The following SYNE1 variants were observed in gnomAD, a reference collection of about 807,000 sequenced individuals.
The protein encoded by SYNE1 is nesprin-1.
A neutral mutation model predicts 1,111.0 loss-of-function variants in SYNE1; 616 were observed. The observed-to-expected ratio is 0.55, with a 90% CI of 0.52 to 0.59. The LOEUF (loss-of-function observed/expected upper bound fraction) is 0.59. Among genes scored for constraint, SYNE1 ranks in the 20% least tolerant of loss-of-function variants. The pLI is 0.00. For synonymous variants in SYNE1, 3,855 were observed against 3,825.8 expected (o/e 1.01, Z -0.28); for missense variants, 10,006 against 10,417.0 (o/e 0.96, Z 1.72).
chr6:152,253,818 G>C (rs2763036), intron 104 of SYNE1, among the ~76,000 whole-genome samples: 2 of 74,808 alleles, frequency 2.7e-5, no homozygotes, highest in African/African-American at 1.2e-4. Flanking sequence ...TAGTGGTTTG[G>C]TTTTTTTTTT....
At chr6:152,157,669 A>G (rs915429305) in intron 131 of SYNE1, among the ~76,000 whole-genome samples, 5 of 152,114 alleles carry the variant, frequency 3.3e-5, no homozygotes, top group African/African-American at 1.2e-4. Context: ...ACAAAATATC[A>G]TATGTGCCCC....
chr6:152,469,398 G>A (rs9371600), intron 16 of SYNE1, among the ~76,000 whole-genome samples: 36,291 of 151,706 alleles, frequency 0.24, 4,836 homozygotes, highest in East Asian at 0.43. Flanking sequence ...GTTATTCACA[G>A]ACACATGGGT....
rs2099078379 is a variant in SYNE1, at chr6:152,510,261, C to T, written c.513G>A (p.Lys171=). The T allele has an allele frequency of 6.2e-7, 1 of 1,614,022 alleles. No individual in the cohort carries two copies. The highest frequency in any genetic ancestry group is 8.5e-7 in the Non-Finnish European group (1 of 1,179,986). Residue 171 remains lysine, a synonymous_variant, in exon 8 of 146, where the codon AAG becomes AAA. Coordinates refer to ENST00000367255, the MANE Select transcript of SYNE1 (RefSeq NM_182961.4). The part of the protein sequence containing the change: ...SETPSPPSKR[K]VTTKIQGNAK... The stretch of plus-strand genomic sequence containing the variant: ...CATTTCCTTGGATCTTGGTGGTCAC[C>T]TTCCGTTTACTTGGTGGGCTGGGAG...
intron 66 of SYNE1, among the ~76,000 whole-genome samples, chr6:152,356,625 C>T (rs2096844125): frequency 6.6e-6 from 1 of 151,724 alleles, no homozygotes; most frequent in Non-Finnish European, 1.5e-5. Context: ...TGAATATGTT[C>T]CACATTACTG....
At chr6:152,377,829 C>T (rs1460001737) in intron 56 of SYNE1, among the ~76,000 whole-genome samples, 1 of 151,316 alleles carries the variant, frequency 6.6e-6, no homozygotes, top group Non-Finnish European at 1.5e-5. Context: ...TAAATGTTTA[C>T]CGTGTGCCAA....
chr6:152,583,719 C>A (rs2099527959), intron 3 of SYNE1, among the ~76,000 whole-genome samples: 1 of 152,178 alleles, frequency 6.6e-6, no homozygotes, highest in African/African-American at 2.4e-5. Flanking sequence ...ATCAATGGTT[C>A]ATTTCTGCTG....
chr6:152,490,932 A>G (rs1317308091), intron 11 of SYNE1, among the ~76,000 whole-genome samples: 1 of 152,078 alleles, frequency 6.6e-6, no homozygotes, highest in Non-Finnish European at 1.5e-5. Flanking sequence ...CTACCTTTCA[A>G]TCTCCCTGTC....
intron 32 of SYNE1, among the ~76,000 whole-genome samples, chr6:152,439,364 C>T (rs575513953): frequency 2.0e-5 from 3 of 152,204 alleles, no homozygotes; most frequent in South Asian, 2.1e-4. Flanking sequence ...TTATAAAAGG[C>T]ACCTGATACG....
intron 2 of SYNE1, among the ~76,000 whole-genome samples, chr6:152,631,741 G>A (rs938155619): frequency 2.0e-5 from 3 of 152,116 alleles, no homozygotes; most frequent in African/African-American, 7.2e-5. Flanking sequence ...GGTGGGTATA[G>A]GTAGAAGGAG....
At position 152,572,296 on chromosome 6, in the gene SYNE1, A is replaced by G. The variant is rs571961382; in HGVS notation, c.68-32275T>C. ...TGTTCTATTTTTGTCCATTTTGCCA[A>G]TTCAGTTCTTCTCACTATTCTTAAA... On this transcript the variant is annotated intron_variant, in intron 3 of 145. Transcript: ENST00000367255. Among the ~76,000 whole-genome samples the G allele has an allele frequency of 9.2e-5, 14 of 152,252 alleles. No homozygotes were observed. In the East Asian group the frequency reaches 2.5e-3, roughly 27 times the overall value.
rs781532655 is a variant in SYNE1 at position 152,176,472 on chromosome 6, C to A, written c.23549G>T (p.Ser7850Ile). 5 of 1,613,830 alleles carry A rather than the reference C, an allele frequency of 3.1e-6. No homozygotes were observed. In the Middle Eastern group the frequency reaches 5.0e-4, roughly 160 times the overall value. ...GERLAKASHE[S>I]KASEIEYKLG... The stretch of plus-strand genomic sequence containing the variant: ...CTTGTATTCAATCTCAGATGCTTTG[C>A]TTTCATGGCTGGCTTTAGCAAGTCG... The change falls in exon 130 of 146, where the codon AGC becomes ATC. Residue 7850 changes from serine (S) to isoleucine (I), a missense_variant. Around this residue, in one of 7 missense-constraint regions of SYNE1, gnomAD observed 2,182 missense variants for 2,287.8 expected, o/e 0.95. Transcript: ENST00000367255.
At chr6:152,396,637 T>G in intron 50 of SYNE1, 138 bp downstream of exon 50, 1 of 886,660 alleles carries the variant, frequency 1.1e-6, no homozygotes, top group Non-Finnish European at 1.8e-6. Context: ...TAGTATCACC[T>G]GTATTTATGA....
chr6:152,602,730 C>T (rs2099599081), intron 3 of SYNE1, among the ~76,000 whole-genome samples: 1 of 152,080 alleles, frequency 6.6e-6, no homozygotes, highest in African/African-American at 2.4e-5. Context: ...CCCACAGTTG[C>T]TTCCTCTTTT....
chr6:152,624,131 T>C (rs1366269688), intron 3 of SYNE1, among the ~76,000 whole-genome samples: 5 of 152,170 alleles, frequency 3.3e-5, no homozygotes, highest in Admixed American at 3.3e-4. Context: ...TTCAATCTAT[T>C]CACAAGGTTT....
intron 77 of SYNE1, 50 bp downstream of exon 77, chr6:152,333,958 A>G (rs2096314058): frequency 3.1e-6 from 5 of 1,612,894 alleles, no homozygotes; most frequent in African/African-American, 1.3e-5. Context: ...ATAGATATTA[A>G]GAAATGTCTG....
chr6:152,239,597 G>A lies in SYNE1; in HGVS notation c.20003C>T (p.Ala6668Val), dbSNP rs1483994641. The change falls in exon 108 of 146, where the codon GCT becomes GTT. Residue 6668 changes from alanine (A) to valine (V), a missense_variant. Physicochemically the swap from Ala to Val is moderately conservative, Grantham distance 64. Around this residue, in one of 7 missense-constraint regions of SYNE1, gnomAD observed 2,182 missense variants for 2,287.8 expected, o/e 0.95. Transcript: ENST00000367255. ...KETQFHTELM[A>V]QASAVLKRAH... ...CCGTTTCAGTACAGCAGAAGCCTGAGCCATCAGCTCTGTATGGAACTGGGT... is the reference window on the plus strand; with the variant it reads ...CCGTTTCAGTACAGCAGAAGCCTGAACCATCAGCTCTGTATGGAACTGGGT... 6.2e-7 allele frequency: 1 copy of A among 1,614,088 alleles called. No homozygotes were observed. Among genetic ancestry groups the A allele is most frequent in the African/African-American group, 1.3e-5 (1 of 74,922 alleles).
At chr6:152,540,122 C>T (rs2099262393) in intron 3 of SYNE1, 101 bp from the exon 4 acceptor site, 3 of 1,192,980 alleles carry the variant, frequency 2.5e-6, no homozygotes, top group Non-Finnish European at 3.7e-6. Context: ...ATCGTGAAAT[C>T]GTTTTCTCAT....
Position 152,236,918 on chromosome 6 carries a change from C to T in SYNE1, c.20098G>A (p.Glu6700Lys). Residue 6700 changes from glutamate (E) to lysine (K), a missense_variant, in exon 109 of 146, where the codon GAG becomes AAG. Glu to Lys is a moderately conservative substitution (Grantham distance 56, BLOSUM62 1). Around this residue, in one of 7 missense-constraint regions of SYNE1, gnomAD observed 2,182 missense variants for 2,287.8 expected, o/e 0.95. Coordinates refer to ENST00000367255, the MANE Select transcript of SYNE1 (RefSeq NM_182961.4). ...TWSHLDEDQQ[E>K]LSRQLEVVES... ...ACCACCTCCAGCTGTCTGCTGAGCT[C>T]CTGCTGGTCCTCATCCAGATGGGAC... 6.2e-7 allele frequency: 1 copy of T among 1,614,138 alleles called. No individual in the cohort carries two copies. Among genetic ancestry groups the T allele is most frequent in the Non-Finnish European group, 8.5e-7 (1 of 1,180,020 alleles).
At position 152,151,652 on chromosome 6, in the gene SYNE1, C is replaced by T. The variant is rs1219971170; in HGVS notation, c.24351G>A (p.Arg8117=). Residue 8117 remains arginine (R), a synonymous_variant, in exon 135 of 146, where the codon CGG becomes CGA. Coordinates refer to ENST00000367255, the MANE Select transcript of SYNE1 (RefSeq NM_182961.4). ...CTGTGAGCCAGACCAGAATGCTGTC[C>T]CGCGCAGTCTCAAACTCCTCACGCT... ...IGQREEFETA[R]DSILVWLTEM... 3.7e-6 allele frequency: 6 copies of T among 1,613,960 alleles called. No homozygotes were observed. Among genetic ancestry groups the T allele is most frequent in the Non-Finnish European group, 5.1e-6 (6 of 1,180,026 alleles).
Sources: allele counts gnomAD v4.1 joint callset (sites outside exome capture counted in the v4.1 genomes callset), GRCh38; gene constraint gnomAD v4.1.1; regional missense constraint gnomAD v4.1.1; transcripts MANE v1.5; gene names NCBI Gene and HGNC (gene_info 2026-07-23, HGNC 2026-07-21).